Variants in WWP1 observed in about 807,000 individuals in gnomAD.
WWP1 encodes WW domain containing E3 ubiquitin protein ligase 1, also known as NEDD4-like E3 ubiquitin-protein ligase WWP1.
In WWP1, 49 loss-of-function variants were observed where a neutral mutation model predicts 130.6. That is an observed-to-expected ratio of 0.38 (90% confidence interval 0.30 to 0.48). WWP1 has a LOEUF of 0.48. Ranked by LOEUF, WWP1 falls within the 20% of genes least tolerant of loss-of-function variation. The pLI is 0.99. For missense variants in WWP1, 809 were observed against 1,100.6 expected (o/e 0.74, Z 3.75); for synonymous variants, 332 against 367.8 (o/e 0.90, Z 1.11).
intron 21 of WWP1, among the ~76,000 whole-genome samples, chr8:86,457,599 G>T (rs1355882283): frequency 1.3e-5 from 2 of 151,836 alleles, no homozygotes; most frequent in Non-Finnish European, 2.9e-5. Flanking sequence ...GTGCGTGTGT[G>T]TGTAAATACA....
chr8:86,365,808 A>T (rs1435316037), intron 1 of WWP1, among the ~76,000 whole-genome samples: 1 of 152,168 alleles, frequency 6.6e-6, no homozygotes, highest in African/African-American at 2.4e-5. Context: ...TTTATATATA[A>T]AAAGCTTTAA....
At chr8:86,452,455 G>A in intron 20 of WWP1, 104 bp from the exon 21 acceptor site, 1 of 938,370 alleles carries the variant, frequency 1.1e-6, no homozygotes, top group Admixed American at 2.8e-5. Flanking sequence ...TTATATATAT[G>A]GCATATTTAG....
intron 1 of WWP1, among the ~76,000 whole-genome samples, chr8:86,348,462 C>T (rs1822716866): frequency 6.6e-6 from 1 of 152,172 alleles, no homozygotes; most frequent in Non-Finnish European, 1.5e-5. Context: ...AGGTGATCTG[C>T]CCGCCTCAGC....
At chr8:86,374,170 T>C in intron 3 of WWP1, 50 bp downstream of exon 3, 1 of 1,417,802 alleles carries the variant, frequency 7.1e-7, no homozygotes, top group Non-Finnish European at 9.8e-7. Context: ...AACTTTTCTT[T>C]TGAATACCTA....
At chr8:86,393,661 CTAT>C (rs1396235948) in intron 5 of WWP1, among the ~76,000 whole-genome samples, 2 of 152,146 alleles carry the variant, frequency 1.3e-5, no homozygotes, top group African/African-American at 2.4e-5. Flanking sequence ...GAAAACTTTG[CTAT>C]TATTAAGACT....
At position 86,427,803 on chromosome 8, in the gene WWP1, C is replaced by A; in HGVS notation, c.1318C>A (p.Arg440=). The A allele has an allele frequency of 1.2e-6, 2 of 1,611,324 alleles. No homozygotes were observed. Among genetic ancestry groups the A allele is most frequent in the Non-Finnish European group, 1.7e-6 (2 of 1,178,576 alleles). The stretch of plus-strand genomic sequence containing the variant: ...GGGAGCTATGCAACAGTTTAACCAA[C>A]GATACCTCTATTCGGTAATTAGCAA... ...LQGAMQQFNQ[R]YLYSASMLAA... The change falls in exon 11 of 25, where the codon CGA becomes AGA. Residue 440 remains arginine, a synonymous_variant. Coordinates refer to ENST00000517970, the MANE Select transcript of WWP1 (RefSeq NM_007013.4).
chr8:86,453,151 T>G (rs1457649519), intron 21 of WWP1, among the ~76,000 whole-genome samples: 3 of 152,118 alleles, frequency 2.0e-5, no homozygotes, highest in African/African-American at 7.2e-5. Context: ...TCTCCAGAAA[T>G]TTTTCATCCT....
chr8:86,373,575 G>A (rs117209861), intron 2 of WWP1, among the ~76,000 whole-genome samples: 4,908 of 152,126 alleles, frequency 0.032, 129 homozygotes, highest in Non-Finnish European at 0.049. Context: ...CAGACTGGTG[G>A]CTTGTTTTCA....
chr8:86,454,170 A>G (rs773033800), intron 21 of WWP1, among the ~76,000 whole-genome samples: 2 of 152,164 alleles, frequency 1.3e-5, no homozygotes, highest in African/African-American at 4.8e-5. Context: ...ATAATAGGAT[A>G]GTATTTGCAT....
intron 9 of WWP1, among the ~76,000 whole-genome samples, chr8:86,423,658 A>C (rs1028497711): frequency 2.6e-5 from 4 of 152,164 alleles, no homozygotes; most frequent in Non-Finnish European, 5.9e-5. Flanking sequence ...TGATTTCTCT[A>C]TCTTTTCCCC....
At chr8:86,370,809 C>A (rs1173830395) in intron 2 of WWP1, among the ~76,000 whole-genome samples, 1 of 116,438 alleles carries the variant, frequency 8.6e-6, no homozygotes. Context: ...CTTACTTGTT[C>A]TTTTTCTTAG....
intron 8 of WWP1, among the ~76,000 whole-genome samples, chr8:86,407,132 G>A (rs1196061416): frequency 2.0e-5 from 3 of 152,176 alleles, no homozygotes; most frequent in Non-Finnish European, 4.4e-5. Flanking sequence ...TTGTGGAGAT[G>A]AGATGGTTTG....
At chr8:86,459,686 C>T (rs1328174467) in intron 22 of WWP1, among the ~76,000 whole-genome samples, 1 of 152,212 alleles carries the variant, frequency 6.6e-6, no homozygotes, top group Non-Finnish European at 1.5e-5. Flanking sequence ...ATCTGAACTG[C>T]ATTATATACA....
chr8:86,388,486 TC>T (rs1451630371), intron 5 of WWP1, among the ~76,000 whole-genome samples: 2 of 152,190 alleles, frequency 1.3e-5, no homozygotes, highest in African/African-American at 4.8e-5. Flanking sequence ...GTTTTCTCCT[TC>T]ATTATGATTT....
At chr8:86,422,319 G>T (rs1809271191) in intron 9 of WWP1, among the ~76,000 whole-genome samples, 1 of 148,022 alleles carries the variant, frequency 6.8e-6, no homozygotes. Context: ...GTACCAGTTT[G>T]TATTTATTTA....
chr8:86,435,114 G>A lies in WWP1; in HGVS notation c.1602-338G>A, dbSNP rs372997647. The stretch of plus-strand genomic sequence containing the variant: ...AGGATGTGGTAGAATTTCCTTCCAC[G>A]TCTCTTCTGTCTGGAGCCTCTGTCC... On this transcript the variant is annotated intron_variant, in intron 14 of 24. Transcript: ENST00000517970. Among the ~76,000 whole-genome samples, 36 of 152,272 alleles carry A rather than the reference G, an allele frequency of 2.4e-4. 1 individual carries two copies. In the South Asian group the frequency reaches 3.3e-3, roughly 14 times the overall value.
At chr8:86,446,351 T>G (rs1810879729) in intron 18 of WWP1, among the ~76,000 whole-genome samples, 2 of 152,230 alleles carry the variant, frequency 1.3e-5, no homozygotes, top group African/African-American at 2.4e-5. Flanking sequence ...TTTTTTTTTC[T>G]TGTTGATTTG....
At chr8:86,444,378 T>C (rs1586477296) in intron 18 of WWP1, among the ~76,000 whole-genome samples, 1 of 152,128 alleles carries the variant, frequency 6.6e-6, no homozygotes, top group South Asian at 2.1e-4. Context: ...TAGTTGGAGG[T>C]ATAAGTCTGG....
At chr8:86,366,228 G>T (rs1238061909) in intron 1 of WWP1, among the ~76,000 whole-genome samples, 1 of 152,166 alleles carries the variant, frequency 6.6e-6, no homozygotes, top group Admixed American at 6.5e-5. Flanking sequence ...GTTCAGGATG[G>T]GGCCATATGA....
Sources: allele counts gnomAD v4.1 joint callset (sites outside exome capture counted in the v4.1 genomes callset), GRCh38; gene constraint gnomAD v4.1.1; transcripts MANE v1.5; gene names NCBI Gene and HGNC (gene_info 2026-07-23, HGNC 2026-07-21).